The following DSCAML1 variants were observed in gnomAD, a reference collection of about 807,000 sequenced individuals.
DSCAML1 encodes the protein DS cell adhesion molecule like 1, also known as cell adhesion molecule DSCAML1.
DSCAML1 carries 38 observed loss-of-function variants against 200.5 expected under a neutral mutation model. The ratio of observed to expected loss-of-function variants is 0.19; its 90% CI spans 0.15 to 0.25. DSCAML1 has a LOEUF of 0.25. DSCAML1 is among the 10% of genes least tolerant of loss of function. The probability of loss-of-function intolerance (pLI) is 1.00; values close to 1 mark genes in which losing one functional copy is unlikely to be tolerated. For synonymous variants in DSCAML1, 1,215 were observed against 1,165.0 expected, an observed-to-expected ratio of 1.04 and a Z score of -0.87; for missense variants, 2,223 against 2,858.8, an observed-to-expected ratio of 0.78 and a Z score of 5.07.
intron 1 of DSCAML1, among the ~76,000 whole-genome samples, chr11:117,786,543 C>T (rs1375565340): frequency 6.6e-6 from 1 of 152,140 alleles, no homozygotes; most frequent in African/African-American, 2.4e-5. Context: ...GCAAAGGGAA[C>T]TCGAGCCCCG....
intron 7 of DSCAML1, among the ~76,000 whole-genome samples, chr11:117,517,400 C>G (rs151097502): frequency 1.1e-3 from 175 of 152,226 alleles, no homozygotes; most frequent in Admixed American, 2.6e-3. Context: ...GGCTACCAAG[C>G]AAGACAGTGC....
intron 3 of DSCAML1, among the ~76,000 whole-genome samples, chr11:117,653,582 T>C (rs2052675037): frequency 6.6e-6 from 1 of 152,180 alleles, no homozygotes; most frequent in South Asian, 2.1e-4. Context: ...ATCGAGAATC[T>C]GGACCCCTCA....
At chr11:117,514,375 C>G (rs746961473) in intron 8 of DSCAML1, among the ~76,000 whole-genome samples, 1 of 152,106 alleles carries the variant, frequency 6.6e-6, no homozygotes, top group African/African-American at 2.4e-5. Flanking sequence ...CTTGTCTCTT[C>G]CACACCCTCC....
intron 3 of DSCAML1, among the ~76,000 whole-genome samples, chr11:117,554,648 A>G (rs2050526925): frequency 6.6e-6 from 1 of 152,174 alleles, no homozygotes; most frequent in Admixed American, 6.5e-5. Context: ...AAGTGCTGGG[A>G]TTATAGGTGT....
intron 1 of DSCAML1, among the ~76,000 whole-genome samples, chr11:117,814,744 AG>A (rs1030802623): frequency 6.6e-6 from 1 of 152,228 alleles, no homozygotes; most frequent in African/African-American, 2.4e-5. Context: ...GCAGGTGCCC[AG>A]GGTGCTAGAG....
chr11:117,591,137 A>G (rs762518273), intron 3 of DSCAML1, among the ~76,000 whole-genome samples: 76 of 151,870 alleles, frequency 5.0e-4, no homozygotes, highest in Admixed American at 2.6e-4. Flanking sequence ...GGGGGTATTT[A>G]GAACTTTTAA....
chr11:117,524,916 T>C lies in DSCAML1; in HGVS notation c.826A>G (p.Ile276Val). Residue 276 changes from isoleucine to valine, a missense_variant, in exon 5 of 33, where the codon ATC becomes GTC. By Grantham distance (29) the Ile-to-Val change is conservative (BLOSUM62 3). This residue lies in a region of DSCAML1 where 579 missense variants were observed against 721.5 expected (regional missense o/e 0.80). Transcript: ENST00000651296. ...AAGTCGCTGATGGTCAGCCCTGTGA[T>C]GCGCTTGGTCCAGCGGCTGTCAGCC... is the stretch of plus-strand genomic sequence containing the variant. ...LPADSRWTKR[I>V]TGLTISDLRT... is the part of the protein sequence containing the mutation. The C allele has an allele frequency of 3.1e-6, 5 of 1,613,716 alleles. No homozygotes were observed. The highest frequency in any genetic ancestry group is 4.2e-6 in the Non-Finnish European group (5 of 1,179,900).
intron 3 of DSCAML1, among the ~76,000 whole-genome samples, chr11:117,680,172 C>A (rs368283167): frequency 2.0e-5 from 3 of 152,338 alleles, no homozygotes; most frequent in African/African-American, 7.2e-5. Flanking sequence ...CTCTTGCTGT[C>A]CTCCTGAGCT....
chr11:117,649,927 G>T (rs2059942502), intron 3 of DSCAML1, among the ~76,000 whole-genome samples: 1 of 152,152 alleles, frequency 6.6e-6, no homozygotes, highest in Non-Finnish European at 1.5e-5. Context: ...GTTGCCTCTT[G>T]ATGTGCTGCC....
chr11:117,467,052 T>C (rs891461940), intron 16 of DSCAML1, among the ~76,000 whole-genome samples: 1 of 151,962 alleles, frequency 6.6e-6, no homozygotes, highest in Non-Finnish European at 1.5e-5. Flanking sequence ...AGGGGGCTGG[T>C]GGGAATGAAG....
At chr11:117,486,118 A>G (rs1466472288) in intron 11 of DSCAML1, among the ~76,000 whole-genome samples, 2 of 152,238 alleles carry the variant, frequency 1.3e-5, no homozygotes, top group Non-Finnish European at 2.9e-5. Flanking sequence ...AGGCTCAAAG[A>G]AAAAACTAGG....
intron 3 of DSCAML1, among the ~76,000 whole-genome samples, chr11:117,618,420 C>T (rs2051856373): frequency 6.6e-6 from 1 of 152,188 alleles, no homozygotes. Context: ...TAAGTGAATT[C>T]CTTCTTTCAT....
chr11:117,757,977 G>A lies in DSCAML1; in HGVS notation c.511+18814C>T, dbSNP rs376046427. On this transcript the variant is annotated intron_variant, in intron 3 of 32. Transcript: ENST00000651296. Reference sequence around the variant, plus strand: ...TGCATCCAGCGGGGATAACAAGAGCGAAACTTCACCTCAAAAAGCAAAAAC... The same window carrying A: ...TGCATCCAGCGGGGATAACAAGAGCAAAACTTCACCTCAAAAAGCAAAAAC... Among the ~76,000 whole-genome samples the A allele has an allele frequency of 3.0e-4, 45 of 148,734 alleles. 1 individual carries two copies. The East Asian group carries it at 8.2e-3, about 27-fold the overall frequency.
intron 19 of DSCAML1, among the ~76,000 whole-genome samples, chr11:117,457,155 A>G (rs888576983): frequency 6.6e-6 from 1 of 152,154 alleles, no homozygotes; most frequent in African/African-American, 2.4e-5. Context: ...GGGGGCATGC[A>G]CTTCCGCTGT....
In DSCAML1 at chr11:117,471,571, A is replaced by G. The variant is rs191072294; in HGVS notation, c.2953+298T>C. Among the ~76,000 whole-genome samples the G allele has an allele frequency of 8.3e-3, 1,270 of 152,332 alleles. 26 individuals carry two copies. The highest frequency in any genetic ancestry group is 0.029 in the African/African-American group (1,199 of 41,568). On this transcript the variant is annotated intron_variant, in intron 15 of 32. Coordinates refer to ENST00000651296, the MANE Select transcript of DSCAML1 (RefSeq NM_020693.4). ...AAACTCTATGATGAGGGTCATAGAAAATGATCCAGGCCCTAGTACCCTATC... is the reference window on the plus strand; with the variant it reads ...AAACTCTATGATGAGGGTCATAGAAGATGATCCAGGCCCTAGTACCCTATC...
At position 117,780,946 on chromosome 11, in the gene DSCAML1, C is replaced by T. The variant is rs2055246424; in HGVS notation, c.47-136G>A. ...AGTCATTCAGTATGCACTTATTGAG[C>T]ACTGACTATACACCAGGCACTGGCA... is the stretch of plus-strand genomic sequence containing the variant. On this transcript the variant is annotated intron_variant, in intron 1 of 32. Transcript: ENST00000651296. This position sits in a 1 kb window ranked among gnomAD's most constrained non-coding sequence, Gnocchi z 4.8. 4.8e-6 allele frequency: 3 copies of T among 620,242 alleles called. No individual in the cohort carries two copies. The highest frequency in any genetic ancestry group is 1.9e-5 in the African/African-American group (1 of 52,446). The allele number at this position is 620,242 out of a possible 1,614,324, so 38.4% of individuals were successfully genotyped here.
At chr11:117,467,829 T>G (rs1370916210) in intron 16 of DSCAML1, among the ~76,000 whole-genome samples, 2 of 152,208 alleles carry the variant, frequency 1.3e-5, no homozygotes, top group Non-Finnish European at 1.5e-5. Context: ...GAGACCTTCC[T>G]CTTCACATCG....
intron 3 of DSCAML1, among the ~76,000 whole-genome samples, chr11:117,660,294 G>T (rs1169136532): frequency 1.3e-5 from 2 of 152,202 alleles, no homozygotes; most frequent in African/African-American, 4.8e-5. Flanking sequence ...GAAGGTGCTG[G>T]TATTGTGTCT....
intron 1 of DSCAML1, among the ~76,000 whole-genome samples, chr11:117,790,874 C>A (rs539186108): frequency 6.6e-6 from 1 of 152,348 alleles, no homozygotes; most frequent in African/African-American, 2.4e-5. Context: ...GACACACATA[C>A]ACACATGCAC....
Sources: gnomAD v4.1 joint callset for allele counts (sites outside exome capture counted in the v4.1 genomes callset) on GRCh38, gnomAD v4.1.1 for gene constraint, gnomAD v4.1.1 regional missense constraint, Gnocchi (gnomAD v3.1) non-coding constraint, MANE v1.5 for transcripts, NCBI Gene and HGNC (gene_info 2026-07-23, HGNC 2026-07-21) for gene names.